Variants in HTR1F observed in about 807,000 individuals in gnomAD.
HTR1F encodes the protein 5-hydroxytryptamine receptor 1F.
Under a neutral mutation model 24.0 loss-of-function variants are expected in HTR1F, and 17 were observed. The ratio of observed to expected loss-of-function variants is 0.71; its 90% CI spans 0.48 to 1.06. HTR1F has a LOEUF of 1.06. Among genes scored for constraint, HTR1F ranks in the 50% least tolerant of loss-of-function variants. The probability of loss-of-function intolerance (pLI) is 0.00; values close to 1 mark genes in which losing one functional copy is unlikely to be tolerated. For missense variants in HTR1F, 391 were observed against 427.8 expected (o/e 0.91, Z 0.76); for synonymous variants, 186 against 156.8 (o/e 1.19, Z -1.39).
chr3:87,919,395 C>A (rs1474413080), intron 2 of HTR1F, among the ~76,000 whole-genome samples: 1 of 151,946 alleles, frequency 6.6e-6, no homozygotes, highest in Admixed American at 6.6e-5. Flanking sequence ...AACTAAAGAG[C>A]TTTTGCACGG....
intron 2 of HTR1F, among the ~76,000 whole-genome samples, chr3:87,929,682 A>G (rs1704214311): frequency 6.6e-6 from 1 of 152,220 alleles, no homozygotes; most frequent in African/African-American, 2.4e-5. Flanking sequence ...TAGCAGGACC[A>G]TGCTGTTTTG....
At chr3:87,913,973 C>G (rs1285580742) in intron 2 of HTR1F, among the ~76,000 whole-genome samples, 2 of 152,068 alleles carry the variant, frequency 1.3e-5, no homozygotes, top group African/African-American at 4.8e-5. Flanking sequence ...AATCAGGAAA[C>G]CTGAGAGGAT....
intron 2 of HTR1F, among the ~76,000 whole-genome samples, chr3:87,968,335 C>T (rs1174263484): frequency 6.6e-6 from 1 of 152,140 alleles, no homozygotes; most frequent in African/African-American, 2.4e-5. Flanking sequence ...GCCTCAGCCT[C>T]CCAAGTAGCT....
intron 1 of HTR1F, among the ~76,000 whole-genome samples, chr3:87,815,029 C>T (rs1704224753): frequency 6.6e-6 from 1 of 152,046 alleles, no homozygotes; most frequent in Non-Finnish European, 1.5e-5. Context: ...AATTTTGTCA[C>T]TTGTTATTTT....
At chr3:87,819,111 C>G (rs1258336833) in intron 1 of HTR1F, among the ~76,000 whole-genome samples, 1 of 152,170 alleles carries the variant, frequency 6.6e-6, no homozygotes, top group African/African-American at 2.4e-5. Context: ...CATGTGCACA[C>G]TGTTTTACTT....
chr3:87,977,879 G>A (rs1248161655), intron 2 of HTR1F, among the ~76,000 whole-genome samples: 4 of 152,090 alleles, frequency 2.6e-5, no homozygotes, highest in African/African-American at 9.7e-5. Context: ...TGGCACCTTT[G>A]CCTTAGTTTT....
At chr3:87,893,998 C>CT in intron 2 of HTR1F, among the ~76,000 whole-genome samples, 1 of 148,692 alleles carries the variant, frequency 6.7e-6, no homozygotes, top group East Asian at 1.9e-4. Flanking sequence ...CTTTGGACAG[C>CT]TTTTTTTATT....
intron 2 of HTR1F, among the ~76,000 whole-genome samples, chr3:87,898,573 T>G (rs1343112946): frequency 2.0e-5 from 3 of 152,134 alleles, no homozygotes; most frequent in Non-Finnish European, 4.4e-5. Context: ...GTAGTTTAAT[T>G]AGAAAAAATA....
intron 2 of HTR1F, among the ~76,000 whole-genome samples, chr3:87,931,221 C>T (rs1257084029): frequency 6.6e-6 from 1 of 151,996 alleles, no homozygotes; most frequent in African/African-American, 2.4e-5. Context: ...ACAACAGTCC[C>T]CAGAGGGTGA....
chr3:87,830,371 G>C (rs914397854), intron 2 of HTR1F, among the ~76,000 whole-genome samples: 7 of 152,108 alleles, frequency 4.6e-5, no homozygotes, highest in Non-Finnish European at 1.0e-4. Flanking sequence ...TCATGTGTGT[G>C]GACTCACTGA....
chr3:87,890,541 C>CTTT (rs79894798), intron 2 of HTR1F, among the ~76,000 whole-genome samples: 143 of 134,578 alleles, frequency 1.1e-3, no homozygotes, highest in Non-Finnish European at 1.5e-3. Context: ...CTCCTGATGC[C>CTTT]TTTTTTTTTT....
chr3:87,939,043 A>T (rs1248385174), intron 2 of HTR1F, among the ~76,000 whole-genome samples: 1 of 152,234 alleles, frequency 6.6e-6, no homozygotes, highest in African/African-American at 2.4e-5. Context: ...AAGATCTAAT[A>T]TCCAGCATCC....
chr3:87,929,484 A>G (rs956504033), intron 2 of HTR1F, among the ~76,000 whole-genome samples: 7 of 152,158 alleles, frequency 4.6e-5, no homozygotes, highest in Non-Finnish European at 8.8e-5. Context: ...TAGTAATAAT[A>G]GGATATAATT....
intron 2 of HTR1F, among the ~76,000 whole-genome samples, chr3:87,923,057 A>C (rs1215731253): frequency 6.6e-6 from 1 of 151,878 alleles, no homozygotes; most frequent in East Asian, 1.9e-4. Context: ...TGGAGTATTT[A>C]TCAGTCTGTT....
At chr3:87,959,144 A>G (rs190022644) in intron 2 of HTR1F, among the ~76,000 whole-genome samples, 2 of 151,940 alleles carry the variant, frequency 1.3e-5, no homozygotes, top group Admixed American at 6.6e-5. Flanking sequence ...AAATATTACC[A>G]TTCTGAGGAA....
chr3:87,841,911 A>G (rs1448011743), intron 2 of HTR1F, among the ~76,000 whole-genome samples: 2 of 125,816 alleles, frequency 1.6e-5, no homozygotes, highest in East Asian at 2.3e-4. Context: ...AAAAAAAAAA[A>G]AAAAAGAAAA....
At chr3:87,906,421 A>C (rs1036707344) in intron 2 of HTR1F, among the ~76,000 whole-genome samples, 9 of 152,100 alleles carry the variant, frequency 5.9e-5, no homozygotes, top group African/African-American at 1.9e-4. Flanking sequence ...TAATTTTTAT[A>C]ATGTTTTCTC....
chr3:87,920,419 T>G (rs1459376619), intron 2 of HTR1F, among the ~76,000 whole-genome samples: 2 of 151,620 alleles, frequency 1.3e-5, no homozygotes, highest in African/African-American at 4.8e-5. Flanking sequence ...AACAAGCATA[T>G]CTCTGAAGAT....
chr3:87,917,909 C>A (rs868466235), intron 2 of HTR1F, among the ~76,000 whole-genome samples: 1 of 151,874 alleles, frequency 6.6e-6, no homozygotes, highest in South Asian at 2.1e-4. Flanking sequence ...CAGTAAAGGA[C>A]ATAACCAAAA....
Sources: allele counts gnomAD v4.1 joint callset (sites outside exome capture counted in the v4.1 genomes callset), GRCh38; gene constraint gnomAD v4.1.1; transcripts MANE v1.5; gene names NCBI Gene and HGNC (gene_info 2026-07-23, HGNC 2026-07-21).